CECR2: variants seen among roughly 807,000 people sequenced by gnomAD.
CECR2 encodes CECR2 histone acetyl-lysine reader.
In CECR2, 30 loss-of-function variants were observed where a neutral mutation model predicts 154.5. The observed-to-expected ratio is 0.19, with a 90% CI of 0.15 to 0.26. CECR2 has a LOEUF of 0.26. Ranked by LOEUF, CECR2 falls within the 10% of genes least tolerant of loss-of-function variation. CECR2 has a pLI of 1.00. For synonymous variants in CECR2, 725 were observed against 683.7 expected, an observed-to-expected ratio of 1.06 and a Z score of -0.94; for missense variants, 1,743 against 1,829.3, an observed-to-expected ratio of 0.95 and a Z score of 0.86.
chr22:17,360,569 C>T lies in CECR2; in HGVS notation c.-364+546C>T, dbSNP rs1601222118. 2.0e-5 allele frequency among the ~76,000 whole-genome samples: 3 copies of T among 152,106 alleles called. No individual in the cohort carries two copies. The South Asian group carries it at 6.2e-4, about 32-fold the overall frequency. On this transcript the variant is annotated intron_variant, in intron 1 of 18. Coordinates refer to the CECR2 transcript ENST00000400585. ...ATGGTGGCTCGTAATCCCAGCTACT[C>T]AGGAGGCTAAGACAGGAGAATCACT...
At chr22:17,376,227 G>A (rs2063117525) in intron 1 of CECR2, among the ~76,000 whole-genome samples, 1 of 151,652 alleles carries the variant, frequency 6.6e-6, no homozygotes, top group Non-Finnish European at 1.5e-5. Context: ...TGCTGCTTTG[G>A]TGTGTGTGTG....
intron 2 of CECR2, among the ~76,000 whole-genome samples, chr22:17,485,636 C>T (rs1001352746): frequency 1.6e-4 from 24 of 151,944 alleles, no homozygotes; most frequent in Admixed American, 8.5e-4. Flanking sequence ...TAGTGGGGTA[C>T]AGTGGCGCAC....
In CECR2 at chr22:17,537,723, G is replaced by A. The variant is rs183288653; in HGVS notation, c.1238+491G>A. On this transcript the variant is annotated intron_variant, in intron 10 of 18. Coordinates refer to ENST00000262608, the MANE Select transcript of CECR2 (RefSeq NM_001290047.2). Reference sequence around the variant, plus strand: ...CCTAGTTGAAAATGTGCTATAGGCCGGGCTCACGCCTGTAATCCCAGCACT... The same window carrying A: ...CCTAGTTGAAAATGTGCTATAGGCCAGGCTCACGCCTGTAATCCCAGCACT... Among the ~76,000 whole-genome samples the A allele has an allele frequency of 9.5e-4, 145 of 152,136 alleles. 1 individual carries two copies. The highest frequency in any genetic ancestry group is 1.5e-3 in the Admixed American group (23 of 15,272).
At chr22:17,367,864 C>A (rs2063010813), upstream of CECR2, among the ~76,000 whole-genome samples, 1 of 152,206 alleles carries the variant, frequency 6.6e-6, no homozygotes, top group Non-Finnish European at 1.5e-5. Context: ...CCAACACACA[C>A]AAACGTAGGC....
chr22:17,508,643 G>A (rs750007262), intron 7 of CECR2, among the ~76,000 whole-genome samples: 1 of 151,978 alleles, frequency 6.6e-6, no homozygotes, highest in Non-Finnish European at 1.5e-5. Context: ...ATCGTCTAGG[G>A]TTGTAGTAGG....
At chr22:17,522,680 G>T (rs1311838409) in intron 8 of CECR2, among the ~76,000 whole-genome samples, 1 of 152,158 alleles carries the variant, frequency 6.6e-6, no homozygotes, top group Non-Finnish European at 1.5e-5. Context: ...CAGGCTCATA[G>T]ATTTTTGAAT....
intron 1 of CECR2, among the ~76,000 whole-genome samples, chr22:17,404,943 CTT>C (rs1317026876): frequency 6.6e-6 from 1 of 152,150 alleles, no homozygotes; most frequent in African/African-American, 2.4e-5. Flanking sequence ...AAATGGGCCT[CTT>C]AACACTATTG....
intron 1 of CECR2, among the ~76,000 whole-genome samples, chr22:17,378,252 G>A (rs537686296): frequency 1.3e-5 from 2 of 149,758 alleles, no homozygotes; most frequent in Non-Finnish European, 3.0e-5. Flanking sequence ...CAAAGTGCTG[G>A]GATTACAGGT....
intron 1 of CECR2, among the ~76,000 whole-genome samples, chr22:17,451,024 T>C (rs1418361225): frequency 6.6e-6 from 1 of 152,254 alleles, no homozygotes; most frequent in Non-Finnish European, 1.5e-5. Flanking sequence ...GAGCCTGACC[T>C]GCTTATAAGC....
chr22:17,554,082 C>G lies in CECR2; in HGVS notation c.*1242C>G, dbSNP rs866470617. ...ATCAAGAACAAGTTCTTGGAATTAT[C>G]TGTTGTATCTGTGATAGGAAACCAT... is the stretch of plus-strand genomic sequence containing the variant. On this transcript the variant is annotated 3_prime_UTR_variant, in exon 19 of 19. Transcript: ENST00000262608. 1 of 152,122 alleles carries G rather than the reference C, an allele frequency of 6.6e-6. No homozygotes were observed. The highest frequency in any genetic ancestry group is 6.5e-5 in the Admixed American group (1 of 15,272). The allele number at this position is 152,122 out of a possible 1,614,324, so 9.4% of individuals were successfully genotyped here. A position where few individuals can be genotyped will look rare whatever the true frequency, so the allele number is the denominator to read the frequency against.
rs1023464802 is a variant in CECR2, at chr22:17,500,159, C to T, written c.546-472C>T. On this transcript the variant is annotated intron_variant, in intron 4 of 18. Transcript: ENST00000262608. ...CCGGGAGGCTGATCTTGCAGTGAGC[C>T]GAGATCGCACCACTGCACTCCAGCC... 6.0e-5 allele frequency among the ~76,000 whole-genome samples: 9 copies of T among 149,766 alleles called. No homozygotes were observed. The East Asian group carries it at 9.8e-4, about 16-fold the overall frequency.
At chr22:17,552,201 T>G in intron 18 of CECR2, 59 bp downstream of exon 18, 1 of 1,439,336 alleles carries the variant, frequency 6.9e-7, no homozygotes, top group Non-Finnish European at 9.8e-7. Context: ...GAAGTAAGTA[T>G]ATGACAACCT....
intron 18 of CECR2, 114 bp from the exon 19 acceptor site, chr22:17,552,721 G>A (rs1288734896): frequency 7.9e-6 from 8 of 1,009,422 alleles, no homozygotes; most frequent in Non-Finnish European, 1.0e-5. Flanking sequence ...TGATGAAACA[G>A]AATCAAGCCA....
Position 17,530,991 on chromosome 22 carries a change from G to A in CECR2, c.1109-6112G>A, listed in dbSNP as rs60169391. 7.5e-3 allele frequency among the ~76,000 whole-genome samples: 1,142 copies of A among 152,226 alleles called. 19 individuals carry two copies. Among genetic ancestry groups the A allele is most frequent in the African/African-American group, 0.026 (1,083 of 41,536 alleles). ...ACTAGAAATGGATACCGGTGATGGCGCCACAACATTACTTACACACTTAAT... is the reference window on the plus strand; with the variant it reads ...ACTAGAAATGGATACCGGTGATGGCACCACAACATTACTTACACACTTAAT... On this transcript the variant is annotated intron_variant, in intron 9 of 18. Coordinates refer to ENST00000262608, the MANE Select transcript of CECR2 (RefSeq NM_001290047.2).
At chr22:17,441,967 C>G (rs5992053) in intron 1 of CECR2, among the ~76,000 whole-genome samples, 10 of 152,286 alleles carry the variant, frequency 6.6e-5, no homozygotes, top group African/African-American at 2.2e-4. Context: ...TTTGGATGTT[C>G]TGAACATATT....
chr22:17,528,312 A>G (rs1412846834), intron 9 of CECR2, among the ~76,000 whole-genome samples: 4 of 152,210 alleles, frequency 2.6e-5, no homozygotes, highest in Non-Finnish European at 5.9e-5. Context: ...GCACAGAAAG[A>G]CAAACATTGG....
chr22:17,450,695 A>G (rs2054754882), intron 1 of CECR2, among the ~76,000 whole-genome samples: 2 of 152,230 alleles, frequency 1.3e-5, no homozygotes, highest in African/African-American at 2.4e-5. Context: ...ATAATAGTAC[A>G]TTACTCCATC....
chr22:17,542,629 T>A lies in CECR2; in HGVS notation c.2486T>A (p.Phe829Tyr), dbSNP rs1203509755. The A allele has an allele frequency of 6.2e-7, 1 of 1,613,992 alleles. No individual in the cohort carries two copies. Among genetic ancestry groups the A allele is most frequent in the Non-Finnish European group, 8.5e-7 (1 of 1,179,876 alleles). The change falls in exon 16 of 19, where the codon TTC becomes TAC. Residue 829 changes from phenylalanine to tyrosine, a missense_variant. Coordinates refer to ENST00000262608, the MANE Select transcript of CECR2 (RefSeq NM_001290047.2). The stretch of plus-strand genomic sequence containing the variant: ...AACCAGTGGACTGAACAATCAGGCT[T>A]CCTACCTCATGGAGTTCCTTCCTCA... ...PPNQWTEQSGFLPHGVPSSGY... is the reference protein window; with the variant it reads ...PPNQWTEQSGYLPHGVPSSGY...
At chr22:17,399,599 G>C (rs2053862162) in intron 1 of CECR2, among the ~76,000 whole-genome samples, 1 of 151,992 alleles carries the variant, frequency 6.6e-6, no homozygotes, top group South Asian at 2.1e-4. Context: ...TGTATTTTTA[G>C]TAGAGACGGG....
Sources: allele counts gnomAD v4.1 joint callset (sites outside exome capture counted in the v4.1 genomes callset), GRCh38; gene constraint gnomAD v4.1.1; transcripts MANE v1.5; gene names NCBI Gene and HGNC (gene_info 2026-07-23, HGNC 2026-07-21).